ADAMTS20: variants seen among roughly 807,000 people sequenced by gnomAD.
ADAMTS20 encodes the protein A disintegrin and metalloproteinase with thrombospondin motifs 20.
Under a neutral mutation model 260.1 loss-of-function variants are expected in ADAMTS20, and 225 were observed. That is an observed-to-expected ratio of 0.87 (90% CI 0.78 to 0.97). The LOEUF (loss-of-function observed/expected upper bound fraction) is 0.97. ADAMTS20 is among the 50% of genes least tolerant of loss of function. The pLI, the probability that ADAMTS20 is intolerant of heterozygous loss-of-function variation, is 0.00. For missense variants in ADAMTS20, 2,400 were observed against 2,337.7 expected, an observed-to-expected ratio of 1.03 and a Z score of -0.55; for synonymous variants, 802 against 769.5, an observed-to-expected ratio of 1.04 and a Z score of -0.70.
intron 2 of ADAMTS20, among the ~76,000 whole-genome samples, chr12:43,537,397 T>G (rs1178787357): frequency 6.6e-6 from 1 of 152,016 alleles, no homozygotes; most frequent in Non-Finnish European, 1.5e-5. Flanking sequence ...AGTAGGTGTA[T>G]ATATTTATGG....
chr12:43,527,386 C>T (rs929891341), intron 3 of ADAMTS20, among the ~76,000 whole-genome samples: 6 of 151,654 alleles, frequency 4.0e-5, no homozygotes, highest in Non-Finnish European at 8.8e-5. Context: ...AATGACATAA[C>T]AAAAAAAGAA....
chr12:43,391,814 A>G (rs1176717466), intron 29 of ADAMTS20, among the ~76,000 whole-genome samples: 7 of 152,172 alleles, frequency 4.6e-5, no homozygotes, highest in Non-Finnish European at 8.8e-5. Context: ...AAAGCCCACA[A>G]AAGCTAAGAA....
intron 28 of ADAMTS20, among the ~76,000 whole-genome samples, chr12:43,418,485 T>G (rs1308874946): frequency 6.6e-6 from 1 of 152,162 alleles, no homozygotes; most frequent in Non-Finnish European, 1.5e-5. Flanking sequence ...AATTTTTGTA[T>G]TTTTAGTAGA....
chr12:43,372,003 T>C (rs1233973523), intron 36 of ADAMTS20, among the ~76,000 whole-genome samples: 1 of 152,212 alleles, frequency 6.6e-6, no homozygotes, highest in African/African-American at 2.4e-5. Context: ...TGACAGCAGG[T>C]TTGGCAGGAA....
At chr12:43,427,555 C>T in intron 26 of ADAMTS20, 86 bp from the exon 27 acceptor site, 1 of 1,308,494 alleles carries the variant, frequency 7.6e-7, no homozygotes, top group South Asian at 1.7e-5. Context: ...TCAGCATTGA[C>T]TCAATCAAAA....
chr12:43,544,765 C>T (rs1943420708), intron 2 of ADAMTS20, among the ~76,000 whole-genome samples: 1 of 152,150 alleles, frequency 6.6e-6, no homozygotes, highest in Non-Finnish European at 1.5e-5. Context: ...TCTGTCATTG[C>T]CTTTTTTGGT....
At chr12:43,531,394 A>T (rs1943218412) in intron 3 of ADAMTS20, among the ~76,000 whole-genome samples, 1 of 152,058 alleles carries the variant, frequency 6.6e-6, no homozygotes, top group Non-Finnish European at 1.5e-5. Context: ...TTTTTCTATG[A>T]TTATTTGCTA....
At chr12:43,492,481 G>A (rs201686878) in intron 6 of ADAMTS20, 24 bp downstream of exon 6, 1 of 1,611,838 alleles carries the variant, frequency 6.2e-7, no homozygotes, top group Non-Finnish European at 8.5e-7. Context: ...GATTGTATGG[G>A]AAGGGTTATT....
intron 16 of ADAMTS20, among the ~76,000 whole-genome samples, chr12:43,443,274 T>C (rs1941700187): frequency 6.6e-6 from 1 of 152,184 alleles, no homozygotes; most frequent in Admixed American, 6.6e-5. Flanking sequence ...AAATTAAGTT[T>C]ATACTTTAGA....
At chr12:43,477,861 TC>T (rs2137407216) in intron 7 of ADAMTS20, among the ~76,000 whole-genome samples, 1 of 152,316 alleles carries the variant, frequency 6.6e-6, no homozygotes, top group East Asian at 1.9e-4. Flanking sequence ...TGAGTTTTCT[TC>T]ATTAAGCCAG....
chr12:43,492,815 C>G (rs1325990015), intron 5 of ADAMTS20, among the ~76,000 whole-genome samples, 186 bp from the exon 6 acceptor site: 1 of 152,052 alleles, frequency 6.6e-6, no homozygotes, highest in Admixed American at 6.6e-5. Context: ...ATGATCAAAA[C>G]TGAATCTAAT....
chr12:43,434,510 A>T, intron 18 of ADAMTS20, 139 bp from the exon 19 acceptor site: 1 of 700,988 alleles, frequency 1.4e-6, no homozygotes, highest in South Asian at 2.4e-5. Flanking sequence ...AGGATATACT[A>T]GTATATTAAT....
chr12:43,438,473 G>T (rs1043727761), intron 18 of ADAMTS20, among the ~76,000 whole-genome samples: 1 of 152,050 alleles, frequency 6.6e-6, no homozygotes, highest in Non-Finnish European at 1.5e-5. Context: ...CGTCTATCTT[G>T]CATCATTTCC....
chr12:43,377,730 C>T (rs1402031930), intron 31 of ADAMTS20, among the ~76,000 whole-genome samples, 168 bp from the exon 32 acceptor site: 1 of 152,030 alleles, frequency 6.6e-6, no homozygotes. Context: ...GACAAGTTTC[C>T]CAGAGTTGTA....
chr12:43,414,002 G>A (rs1163767239), intron 28 of ADAMTS20, among the ~76,000 whole-genome samples: 1 of 151,988 alleles, frequency 6.6e-6, no homozygotes, highest in African/African-American at 2.4e-5. Flanking sequence ...TGATCTAATT[G>A]TATTTTTATC....
intron 3 of ADAMTS20, among the ~76,000 whole-genome samples, chr12:43,514,284 GC>G (rs564578091): frequency 1.3e-3 from 202 of 151,638 alleles, no homozygotes; most frequent in African/African-American, 4.7e-3. Flanking sequence ...TGCTTTTCCG[GC>G]CAGGCAGGAT....
chr12:43,541,956 A>G (rs930620813), intron 2 of ADAMTS20, among the ~76,000 whole-genome samples: 2 of 152,180 alleles, frequency 1.3e-5, no homozygotes, highest in African/African-American at 4.8e-5. Context: ...GCCTATTCAA[A>G]TCAAGAAAAT....
chr12:43,448,456 G>A (rs1044080662), intron 14 of ADAMTS20, among the ~76,000 whole-genome samples: 9 of 152,070 alleles, frequency 5.9e-5, no homozygotes, highest in African/African-American at 9.7e-5. Flanking sequence ...GACTGAAACC[G>A]GAACCCTTCC....
At chr12:43,464,545 C>A in intron 10 of ADAMTS20, 46 bp downstream of exon 10, 1 of 1,592,456 alleles carries the variant, frequency 6.3e-7, no homozygotes, top group South Asian at 1.1e-5. Context: ...TCTAAGATAA[C>A]TTTATGGCAG....
Sources: gnomAD v4.1 joint callset for allele counts (sites outside exome capture counted in the v4.1 genomes callset) on GRCh38, gnomAD v4.1.1 for gene constraint, MANE v1.5 for transcripts, NCBI Gene and HGNC (gene_info 2026-07-23, HGNC 2026-07-21) for gene names.